The following SENP6 variants were observed in gnomAD, a reference collection of about 807,000 sequenced individuals.
SENP6 encodes the protein SUMO specific peptidase 6.
Under a neutral mutation model 134.5 loss-of-function variants are expected in SENP6, and 41 were observed. That is an observed-to-expected ratio of 0.30 (90% CI 0.24 to 0.40). The LOEUF (loss-of-function observed/expected upper bound fraction) is 0.40. Among genes scored for constraint, SENP6 ranks in the 10% least tolerant of loss-of-function variants. The pLI, the probability that SENP6 is intolerant of heterozygous loss-of-function variation, is 1.00. For missense variants in SENP6, 1,248 were observed against 1,312.5 expected, an observed-to-expected ratio of 0.95 and a Z score of 0.76; for synonymous variants, 395 against 429.8, an observed-to-expected ratio of 0.92 and a Z score of 1.00.
At chr6:75,657,341 T>C (rs1036461148) in intron 7 of SENP6, among the ~76,000 whole-genome samples, 2 of 152,212 alleles carry the variant, frequency 1.3e-5, no homozygotes, top group Admixed American at 1.3e-4. Context: ...TTAGCCTTCA[T>C]AAAAATAATA....
At chr6:75,617,263 CTTTTTTTTTTT>C (rs71002751) in intron 1 of SENP6, among the ~76,000 whole-genome samples, 3 of 58,092 alleles carry the variant, frequency 5.2e-5, no homozygotes, top group African/African-American at 6.9e-5. Flanking sequence ...TTCTTTCTTT[CTTTTTTTTTTT>C]TTTTTTTTTT....
chr6:75,694,410 G>A (rs1318074130), intron 16 of SENP6, among the ~76,000 whole-genome samples: 4 of 152,170 alleles, frequency 2.6e-5, no homozygotes, highest in Non-Finnish European at 5.9e-5. Context: ...TGTTTAAAAT[G>A]AAATAAACAA....
chr6:75,679,194 G>A (rs1369652815), intron 16 of SENP6: 4 of 284,818 alleles, frequency 1.4e-5, no homozygotes, highest in African/African-American at 4.6e-5. Flanking sequence ...TGGGAGGATC[G>A]CTTGAGCCCA....
intron 1 of SENP6, among the ~76,000 whole-genome samples, chr6:75,616,863 A>C (rs1157352696): frequency 6.6e-6 from 1 of 151,914 alleles, no homozygotes; most frequent in Non-Finnish European, 1.5e-5. Context: ...TGTGTTTTTA[A>C]ATTTTTATTT....
At chr6:75,623,230 T>C (rs1348218039) in intron 2 of SENP6, among the ~76,000 whole-genome samples, 1 of 152,218 alleles carries the variant, frequency 6.6e-6, no homozygotes, top group African/African-American at 2.4e-5. Context: ...AAACTGTCTT[T>C]ACGGTGCTAG....
chr6:75,628,152 C>T (rs188212059), intron 3 of SENP6, among the ~76,000 whole-genome samples: 144 of 152,242 alleles, frequency 9.5e-4, no homozygotes, highest in Middle Eastern at 3.4e-3. Context: ...CATCTCTTAA[C>T]AGTTAGAAAT....
At chr6:75,679,001 G>A (rs943417465) in intron 16 of SENP6, 74 bp downstream of exon 16, 50 of 762,900 alleles carry the variant, frequency 6.6e-5, no homozygotes, top group Non-Finnish European at 1.1e-4. Context: ...GTTTTCCAGA[G>A]TCAGGCTTTT....
chr6:75,632,324 G>A (rs528590793), intron 3 of SENP6, among the ~76,000 whole-genome samples: 1 of 152,278 alleles, frequency 6.6e-6, no homozygotes, highest in South Asian at 2.1e-4. Flanking sequence ...CATCGATAAA[G>A]GGGGACTACT....
At chr6:75,623,362 T>G (rs1217265148) in intron 2 of SENP6, among the ~76,000 whole-genome samples, 1 of 152,190 alleles carries the variant, frequency 6.6e-6, no homozygotes, top group East Asian at 1.9e-4. Context: ...AGTTTAATCT[T>G]CTAGAATTTC....
chr6:75,677,067 T>C lies in SENP6; in HGVS notation c.1659T>C (p.Asn553=). 1 of 1,586,138 alleles carries C rather than the reference T, an allele frequency of 6.3e-7. No homozygotes were observed. The highest frequency in any genetic ancestry group is 8.6e-7 in the Non-Finnish European group (1 of 1,157,854). Residue 553 remains asparagine, a synonymous_variant, in exon 14 of 24, where the codon AAT becomes AAC. Transcript: ENST00000447266. The stretch of plus-strand genomic sequence containing the variant: ...AATATATAATTTTAATTTTTCAAAA[T>C]GGCCTTGATCCTCCGGCAAATATGG... ...EEQYIILIFQ[N]GLDPPANMVF... is the part of the protein sequence containing the mutation.
At chr6:75,704,960 G>A (rs998685639) in intron 19 of SENP6, among the ~76,000 whole-genome samples, 1 of 152,198 alleles carries the variant, frequency 6.6e-6, no homozygotes, top group African/African-American at 2.4e-5. Context: ...AGAGGTTAGG[G>A]CAAAGTGGTT....
chr6:75,652,371 CTATGTT>C, intron 7 of SENP6, among the ~76,000 whole-genome samples: 1 of 151,656 alleles, frequency 6.6e-6, no homozygotes, highest in Non-Finnish European at 1.5e-5. Context: ...CAGTGGCCCA[CTATGTT>C]TATGTGGCAT....
intron 13 of SENP6, among the ~76,000 whole-genome samples, chr6:75,676,445 A>G (rs1773090682): frequency 6.6e-6 from 1 of 152,194 alleles, no homozygotes; most frequent in Non-Finnish European, 1.5e-5. Context: ...TAAGTTCCTA[A>G]AATGGGCCTT....
At chr6:75,695,992 A>C (rs1332739865) in intron 17 of SENP6, 69 bp downstream of exon 17, 3 of 1,375,876 alleles carry the variant, frequency 2.2e-6, no homozygotes, top group African/African-American at 3.0e-5. Context: ...AAAATCACGT[A>C]CTTGAAAGAA....
At chr6:75,650,976 A>AT (rs1436225584) in intron 7 of SENP6, among the ~76,000 whole-genome samples, 2 of 152,078 alleles carry the variant, frequency 1.3e-5, no homozygotes, top group East Asian at 1.9e-4. Context: ...CACTTAGTAT[A>AT]TTTTTTTATA....
chr6:75,673,863 C>T (rs1296259283), intron 11 of SENP6, among the ~76,000 whole-genome samples: 1 of 151,498 alleles, frequency 6.6e-6, no homozygotes, highest in Non-Finnish European at 1.5e-5. Flanking sequence ...TCTACTAAGA[C>T]TACAAAAATT....
In SENP6 at chr6:75,618,070, G is replaced by A. The variant is rs72654711; in HGVS notation, c.53-3462G>A. Among the ~76,000 whole-genome samples, 1,597 of 152,234 alleles carry A rather than the reference G, an allele frequency of 0.01. 56 individuals are homozygous for A. In the East Asian group the frequency reaches 0.14, roughly 13 times the overall value. On this transcript the variant is annotated intron_variant, in intron 1 of 23. Transcript: ENST00000447266. ...TGTTAACTATGATCACTTGGCTGAG[G>A]TAGTGTTTGTCAGGTTTCTCCATTG...
intron 19 of SENP6, among the ~76,000 whole-genome samples, chr6:75,707,259 T>A (rs548163084): frequency 6.6e-6 from 1 of 152,260 alleles, no homozygotes; most frequent in South Asian, 2.1e-4. Context: ...CAAATGTTAT[T>A]CAAATATAGG....
At position 75,602,069 on chromosome 6, in the gene SENP6, A is replaced by G. The variant is rs959977748; in HGVS notation, c.-456A>G. On this transcript the variant is annotated 5_prime_UTR_variant, in exon 1 of 24. Transcript: ENST00000447266. ...CTGGGGGCGCCTGACGGTCGCAGAG[A>G]CCTCGCCGCTCCGGCGCGGCGGGTG... is the stretch of plus-strand genomic sequence containing the variant. 1 of 156,944 alleles carries G rather than the reference A, an allele frequency of 6.4e-6. No homozygotes were observed. The highest frequency in any genetic ancestry group is 1.4e-5 in the Non-Finnish European group (1 of 71,658). The allele number at this position is 156,944 out of a possible 1,614,324, so 9.7% of individuals were successfully genotyped here. A position where few individuals can be genotyped will look rare whatever the true frequency, so the allele number is the denominator to read the frequency against.
Sources: gnomAD v4.1 joint callset for allele counts (sites outside exome capture counted in the v4.1 genomes callset) on GRCh38, gnomAD v4.1.1 for gene constraint, MANE v1.5 for transcripts, NCBI Gene and HGNC (gene_info 2026-07-23, HGNC 2026-07-21) for gene names.